ABCB11: variants seen among roughly 807,000 people sequenced by gnomAD.
The protein encoded by ABCB11 is bile salt export pump.
Under a neutral mutation model 148.0 loss-of-function variants are expected in ABCB11, and 95 were observed. The ratio of observed to expected loss-of-function variants is 0.64; its 90% CI spans 0.54 to 0.76. The LOEUF is 0.76. Among genes scored for constraint, ABCB11 ranks in the 30% least tolerant of loss-of-function variants. The probability of loss-of-function intolerance (pLI) is 0.00; values close to 1 mark genes in which losing one functional copy is unlikely to be tolerated. For missense variants in ABCB11, 1,523 were observed against 1,617.8 expected (o/e 0.94, Z 1.01); for synonymous variants, 591 against 555.4 (o/e 1.06, Z -0.90).
intron 5 of ABCB11, among the ~76,000 whole-genome samples, chr2:169,009,011 C>G (rs1276495608): frequency 6.6e-6 from 1 of 151,982 alleles, no homozygotes; most frequent in African/African-American, 2.4e-5. Flanking sequence ...GTTAAAGAAG[C>G]CAATCTCAAA....
At chr2:168,927,441 G>A (rs1574394655) in intron 25 of ABCB11, 79 bp from the exon 26 acceptor site, 2 of 1,193,798 alleles carry the variant, frequency 1.7e-6, no homozygotes, top group Non-Finnish European at 1.2e-6. Context: ...AGCATTAGGT[G>A]TTATGCAGGA....
intron 21 of ABCB11, among the ~76,000 whole-genome samples, chr2:168,941,134 T>G (rs1223460335): frequency 1.3e-5 from 2 of 151,968 alleles, no homozygotes; most frequent in Admixed American, 6.6e-5. Context: ...CACTTTGAAG[T>G]CTTTTTATTT....
At chr2:168,949,205 A>C (rs546081455) in intron 19 of ABCB11, among the ~76,000 whole-genome samples, 1 of 151,674 alleles carries the variant, frequency 6.6e-6, no homozygotes, top group African/African-American at 2.4e-5. Context: ...TGCTTTTTTA[A>C]AATTAACTTT....
intron 1 of ABCB11, among the ~76,000 whole-genome samples, chr2:169,030,725 A>G (rs1234475363): frequency 6.6e-6 from 1 of 151,008 alleles, no homozygotes; most frequent in African/African-American, 2.4e-5. Context: ...TTTTTTTTGC[A>G]TCTATATTTT....
intron 5 of ABCB11, among the ~76,000 whole-genome samples, chr2:169,006,614 G>T (rs1021373173): frequency 6.6e-6 from 1 of 151,954 alleles, no homozygotes; most frequent in Non-Finnish European, 1.5e-5. Context: ...AAAGGAAAAT[G>T]TATAGTTATT....
At chr2:168,987,989 T>TTGTG (rs368771044) in intron 9 of ABCB11, among the ~76,000 whole-genome samples, 2 of 151,236 alleles carry the variant, frequency 1.3e-5, no homozygotes, top group Non-Finnish European at 3.0e-5. Flanking sequence ...CATACTTATA[T>TTGTG]TGTGTGTGTG....
intron 8 of ABCB11, 86 bp from the exon 9 acceptor site, chr2:168,991,011 C>T (rs1477659246): frequency 6.9e-7 from 1 of 1,458,970 alleles, no homozygotes; most frequent in African/African-American, 1.4e-5. Context: ...TAACATGTGG[C>T]ATGGGTTTAA....
At chr2:169,000,580 G>T (rs989579564) in intron 5 of ABCB11, among the ~76,000 whole-genome samples, 1 of 152,006 alleles carries the variant, frequency 6.6e-6, no homozygotes, top group African/African-American at 2.4e-5. Context: ...AAATCAATTG[G>T]ACATATTTGT....
chr2:168,976,188 C>T (rs570212360), intron 12 of ABCB11, among the ~76,000 whole-genome samples: 32 of 152,280 alleles, frequency 2.1e-4, no homozygotes, highest in African/African-American at 7.7e-4. Context: ...ACCCTATACT[C>T]AGTGTCTTCC....
At chr2:168,991,365 T>C (rs1313137854) in intron 8 of ABCB11, among the ~76,000 whole-genome samples, 1 of 152,164 alleles carries the variant, frequency 6.6e-6, no homozygotes, top group Non-Finnish European at 1.5e-5. Context: ...AGGCATGATG[T>C]TGAAAGACGA....
At chr2:168,960,817 T>C (rs1693039966) in intron 18 of ABCB11, among the ~76,000 whole-genome samples, 1 of 151,774 alleles carries the variant, frequency 6.6e-6, no homozygotes, top group South Asian at 2.1e-4. Context: ...AAAGTCATTC[T>C]GTAAAGAAAT....
intron 18 of ABCB11, among the ~76,000 whole-genome samples, chr2:168,961,440 G>A (rs78006391): frequency 0.011 from 1,667 of 151,724 alleles, 25 homozygotes; most frequent in African/African-American, 0.038. Flanking sequence ...ATTTTTATGG[G>A]TCCCATCTCT....
chr2:168,945,727 A>G (rs1415530411), intron 19 of ABCB11, among the ~76,000 whole-genome samples: 1 of 151,962 alleles, frequency 6.6e-6, no homozygotes, highest in Admixed American at 6.6e-5. Context: ...TCAAAGTTGT[A>G]TTAATATTTT....
chr2:168,977,976 G>A (rs1693984886), intron 11 of ABCB11, among the ~76,000 whole-genome samples: 1 of 152,006 alleles, frequency 6.6e-6, no homozygotes, highest in South Asian at 2.1e-4. Flanking sequence ...CTCTATTGAG[G>A]AGTATAATGT....
chr2:168,993,727 G>C lies in ABCB11; in HGVS notation c.767C>G (p.Ala256Gly). 2 of 1,609,040 alleles carry C rather than the reference G, an allele frequency of 1.2e-6. No individual in the cohort carries two copies. Among genetic ancestry groups the C allele is most frequent in the South Asian group, 2.2e-5 (2 of 90,106 alleles). The change falls in exon 8 of 28, where the codon GCA (alanine) becomes GGA (glycine). Residue 256 changes from alanine to glycine, a missense_variant. Physicochemically the swap from Ala to Gly is moderately conservative, Grantham distance 60. Coordinates refer to ENST00000650372, the MANE Select transcript of ABCB11 (RefSeq NM_003742.4). ...ISVSPLIGIGAATIGLSVSKF... is the reference protein window; with the variant it reads ...ISVSPLIGIGGATIGLSVSKF... ...CATTCTTACCAGACCAATGGTGGCT[G>C]CTCCAATCCCAATGAGAGGGCTGAC...
intron 8 of ABCB11, 98 bp downstream of exon 8, chr2:168,993,613 G>A (rs1694614435): frequency 1.8e-6 from 2 of 1,096,900 alleles, no homozygotes; most frequent in Non-Finnish European, 2.6e-6. Context: ...TAATTATGTT[G>A]CTAACTGTAC....
chr2:168,978,899 T>C (rs1694029992), intron 11 of ABCB11, among the ~76,000 whole-genome samples: 1 of 151,952 alleles, frequency 6.6e-6, no homozygotes, highest in Admixed American at 6.5e-5. Context: ...TTTGTGTTCT[T>C]AGTAGAGACA....
intron 3 of ABCB11, among the ~76,000 whole-genome samples, chr2:169,016,211 C>T (rs994246692): frequency 6.6e-6 from 1 of 152,200 alleles, no homozygotes. Context: ...TTACCACTCC[C>T]ACTTCCTCCC....
At chr2:169,030,485 G>A (rs1695833778) in intron 1 of ABCB11, among the ~76,000 whole-genome samples, 1 of 152,178 alleles carries the variant, frequency 6.6e-6, no homozygotes, top group African/African-American at 2.4e-5. Context: ...ATATTAAAAA[G>A]TTTTAGGTAT....
Sources: allele counts gnomAD v4.1 joint callset (sites outside exome capture counted in the v4.1 genomes callset), GRCh38; gene constraint gnomAD v4.1.1; transcripts MANE v1.5; gene names NCBI Gene and HGNC (gene_info 2026-07-23, HGNC 2026-07-21).